Variants in ZNF532 observed in about 807,000 individuals in gnomAD.
The protein encoded by ZNF532 is zinc finger protein 532.
A neutral mutation model predicts 89.3 loss-of-function variants in ZNF532; 22 were observed. That is an observed-to-expected ratio of 0.25 (90% CI 0.18 to 0.35). The LOEUF is 0.35. ZNF532 is among the 10% of genes least tolerant of loss of function. The pLI is 1.00. For synonymous variants in ZNF532, 606 were observed against 649.6 expected (o/e 0.93, Z 1.02); for missense variants, 1,132 against 1,643.4 (o/e 0.69, Z 5.38).
At chr18:58,897,853 T>A in intron 2 of ZNF532, among the ~76,000 whole-genome samples, 1 of 152,172 alleles carries the variant, frequency 6.6e-6, no homozygotes, top group East Asian at 1.9e-4. Flanking sequence ...CTTAGGAGGC[T>A]GAGGCAGGAG....
chr18:58,909,944 A>G (rs1416939864), intron 2 of ZNF532, among the ~76,000 whole-genome samples: 2 of 152,126 alleles, frequency 1.3e-5, no homozygotes, highest in Non-Finnish European at 2.9e-5. Flanking sequence ...AAATAATTTT[A>G]ACTTAAAGTT....
intron 2 of ZNF532, chr18:58,916,810 G>A (rs1603053897): frequency 1.3e-6 from 1 of 797,660 alleles, no homozygotes; most frequent in East Asian, 1.3e-4. Context: ...TATTCTCACT[G>A]AGTAGAAATT....
chr18:58,915,954 G>A (rs2060570437), intron 2 of ZNF532, among the ~76,000 whole-genome samples: 1 of 152,214 alleles, frequency 6.6e-6, no homozygotes, highest in Non-Finnish European at 1.5e-5. Flanking sequence ...ATCCTGTGAA[G>A]CTCGAAAGAA....
At chr18:58,922,025 T>G (rs953559653) in intron 3 of ZNF532, among the ~76,000 whole-genome samples, 1 of 151,952 alleles carries the variant, frequency 6.6e-6, no homozygotes, top group Non-Finnish European at 1.5e-5. Context: ...GAAGATCAGT[T>G]GAGCCTGAGA....
intron 8 of ZNF532, chr18:58,979,881 G>A (rs528526147): frequency 2.0e-5 from 3 of 152,470 alleles, no homozygotes; most frequent in African/African-American, 7.2e-5. Context: ...CCAAATGCAA[G>A]GGACTGGGTG....
Position 58,967,950 on chromosome 18 carries a change from A to G in ZNF532, c.3151-11105A>G, listed in dbSNP as rs192058593. Among the ~76,000 whole-genome samples, 165 of 152,350 alleles carry G rather than the reference A, an allele frequency of 1.1e-3. 1 individual carries two copies. The highest frequency in any genetic ancestry group is 3.8e-3 in the African/African-American group (157 of 41,580). ...ACTTGAGCTGTGGATACCAAGCTGT[A>G]TCTTTGCACATGAAGTACAGCACAT... On this transcript the variant is annotated intron_variant, in intron 7 of 9. Coordinates refer to ENST00000591808, the MANE Select transcript of ZNF532 (RefSeq NM_001375912.1).
At chr18:58,934,232 G>A (rs2062181406) in intron 3 of ZNF532, 2 of 514,184 alleles carry the variant, frequency 3.9e-6, no homozygotes, top group Admixed American at 3.3e-5. Context: ...TGACTAGATA[G>A]CACATACTGT....
chr18:58,934,396 G>A (rs773140907), intron 3 of ZNF532, 37 bp from the exon 4 acceptor site: 3 of 1,595,578 alleles, frequency 1.9e-6, no homozygotes, highest in Non-Finnish European at 1.7e-6. Context: ...AAAGTACTTA[G>A]TAGGACCAAC....
At chr18:58,886,007 C>T (rs568912814) in intron 2 of ZNF532, among the ~76,000 whole-genome samples, 28 of 152,126 alleles carry the variant, frequency 1.8e-4, no homozygotes, top group Admixed American at 4.6e-4. Flanking sequence ...GACGGAGTCT[C>T]GTTCTGTCAT....
intron 7 of ZNF532, chr18:58,954,327 T>C (rs1342006179): frequency 3.3e-6 from 3 of 914,140 alleles, no homozygotes; most frequent in African/African-American, 3.6e-5. Context: ...TCCTTTCTCT[T>C]TTAAATAGTA....
intron 2 of ZNF532, among the ~76,000 whole-genome samples, chr18:58,888,875 AT>A (rs1319555050): frequency 0.036 from 1,871 of 52,646 alleles, 244 homozygotes; most frequent in African/African-American, 0.1. Context: ...TATAATATAT[AT>A]TATATATATA....
chr18:58,919,754 C>T lies in ZNF532; in HGVS notation c.1467C>T (p.Ala489=). 1.2e-6 allele frequency: 2 copies of T among 1,614,162 alleles called. No homozygotes were observed. The highest frequency in any genetic ancestry group is 8.5e-7 in the Non-Finnish European group (1 of 1,180,014). ...TATCTGCTGCCTCTGTCCAGAGTGC[C>T]AGCAGCGCCATCATTAAAGCTGCCA... ...TVISAASVQS[A]SSAIIKAANA... is the part of the protein sequence containing the mutation. The change falls in exon 3 of 10, where the codon GCC becomes GCT. Residue 489 remains alanine, a synonymous_variant. Transcript: ENST00000591808. This position sits in a 1 kb window ranked among gnomAD's most constrained non-coding sequence, Gnocchi z 6.1.
chr18:58,976,678 A>C (rs1384585041), intron 7 of ZNF532, among the ~76,000 whole-genome samples: 1 of 151,880 alleles, frequency 6.6e-6, no homozygotes, highest in Non-Finnish European at 1.5e-5. Context: ...GATTATAGGC[A>C]CCTGCCATCA....
At chr18:58,937,623 A>G (rs1387915205) in intron 4 of ZNF532, among the ~76,000 whole-genome samples, 3 of 151,956 alleles carry the variant, frequency 2.0e-5, no homozygotes, top group East Asian at 1.9e-4. Context: ...TCTATCCTTC[A>G]TGGGAAAATC....
intron 2 of ZNF532, among the ~76,000 whole-genome samples, chr18:58,904,238 C>G (rs1251486331): frequency 2.0e-5 from 3 of 151,764 alleles, no homozygotes; most frequent in African/African-American, 4.8e-5. Flanking sequence ...GTAGTCCCAG[C>G]TACTTGGGAG....
intron 7 of ZNF532, among the ~76,000 whole-genome samples, chr18:58,962,217 C>A (rs1211220462): frequency 6.7e-6 from 1 of 150,152 alleles, no homozygotes; most frequent in African/African-American, 2.5e-5. Flanking sequence ...CAGAGCGAGA[C>A]TCTGTCTAAA....
In ZNF532 at chr18:58,920,057, T is replaced by C. The variant is rs1380031176; in HGVS notation, c.1770T>C (p.Ser590=). Residue 590 remains serine, a synonymous_variant, in exon 3 of 10, where the codon AGT becomes AGC. Coordinates refer to ENST00000591808, the MANE Select transcript of ZNF532 (RefSeq NM_001375912.1). ...AAGCTTTCAACAAGGTGCTGAGCAG[T>C]GTCAATCCAGTCCCTGTTTACATCC... ...VVEAFNKVLS[S]VNPVPVYIPN... 5.6e-6 allele frequency: 9 copies of C among 1,613,928 alleles called. No individual in the cohort carries two copies. In the South Asian group the frequency reaches 8.8e-5, roughly 16 times the overall value.
At chr18:58,916,624 C>T (rs918875789) in intron 2 of ZNF532, 16 of 777,396 alleles carry the variant, frequency 2.1e-5, no homozygotes, top group South Asian at 5.9e-5. Flanking sequence ...TGAATAGAAG[C>T]GGATTTATTC....
In ZNF532 at chr18:58,919,993, G is replaced by C; in HGVS notation, c.1706G>C (p.Arg569Pro). 6.2e-7 allele frequency: 1 copy of C among 1,613,556 alleles called. No individual in the cohort carries two copies. The highest frequency in any genetic ancestry group is 1.1e-5 in the South Asian group (1 of 91,032). ...TCGCAACCCCCCAAAAAGGTGTCTC[G>C]AGTCCAGGTGGTGTCGTCCTTGCAG... ...AASQPPKKVS[R>P]VQVVSSLQSS... The change falls in exon 3 of 10, where the codon CGA (arginine) becomes CCA (proline). Residue 569 changes from arginine to proline, a missense_variant. Physicochemically the swap from Arg to Pro is moderately radical, Grantham distance 103. Transcript: ENST00000591808. The surrounding 1 kb of genome is among the most constrained non-coding windows in gnomAD (Gnocchi z 6.1).
Sources: gnomAD v4.1 joint callset for allele counts (sites outside exome capture counted in the v4.1 genomes callset) on GRCh38, gnomAD v4.1.1 for gene constraint, Gnocchi (gnomAD v3.1) non-coding constraint, MANE v1.5 for transcripts, NCBI Gene and HGNC (gene_info 2026-07-23, HGNC 2026-07-21) for gene names.